Variants in ZNF428 observed in about 807,000 individuals in gnomAD.
The protein encoded by ZNF428 is enzyme-like protein PIT13.
Under a neutral mutation model 15.6 loss-of-function variants are expected in ZNF428, and 5 were observed. That is an observed-to-expected ratio of 0.32 (90% CI 0.17 to 0.67). The LOEUF is 0.67. Among genes scored for constraint, ZNF428 ranks in the 30% least tolerant of loss-of-function variants. The pLI is 0.73. For missense variants in ZNF428, 237 were observed against 256.0 expected (o/e 0.93, Z 0.51); for synonymous variants, 97 against 102.2 (o/e 0.95, Z 0.31).
intron 1 of ZNF428, among the ~76,000 whole-genome samples, chr19:43,615,030 G>A (rs1973358065): frequency 1.3e-5 from 2 of 152,178 alleles, no homozygotes; most frequent in African/African-American, 4.8e-5. Flanking sequence ...AGAACTGAGA[G>A]TGGAGCGGGA....
intron 2 of ZNF428, among the ~76,000 whole-genome samples, chr19:43,609,360 G>GAGAGAGAGAGAGAGAGAGAA (rs1555775017): frequency 1.5e-4 from 19 of 123,344 alleles, no homozygotes; most frequent in East Asian, 4.7e-4. Context: ...TGTGGCCATG[G>GAGAGAGAGAGAGAGAGAGAA]AGAGAGAGAG....
chr19:43,617,213 T>C (rs1973380387), intron 1 of ZNF428, among the ~76,000 whole-genome samples: 3 of 152,086 alleles, frequency 2.0e-5, no homozygotes, highest in South Asian at 4.1e-4. Context: ...AAGCCTTCTG[T>C]GACTTCTCTC....
Position 43,612,403 on chromosome 19 carries a change from G to A in ZNF428, c.76+1826C>T, listed in dbSNP as rs1236800151. The A allele has an allele frequency of 1.9e-6, 3 of 1,551,476 alleles. No homozygotes were observed. Among genetic ancestry groups the A allele is most frequent in the Non-Finnish European group, 2.6e-6 (3 of 1,146,986 alleles). On this transcript the variant is annotated intron_variant, in intron 2 of 2. Coordinates refer to ENST00000300811, the MANE Select transcript of ZNF428 (RefSeq NM_182498.4). This position sits in a 1 kb window ranked among gnomAD's most constrained non-coding sequence, Gnocchi z 4.2. ...GCAAAGCAAGAACACCCAGCAGGGT[G>A]AGCACCGACACCAGGACCAGCAAAG...
chr19:43,618,103 C>T (rs1447997877), intron 1 of ZNF428, among the ~76,000 whole-genome samples: 2 of 135,984 alleles, frequency 1.5e-5, no homozygotes, highest in Non-Finnish European at 3.1e-5. Flanking sequence ...GGCACGATCT[C>T]GGCTCACTGC....
At position 43,607,844 on chromosome 19, in the gene ZNF428, A is replaced by C. The variant is rs757074979; in HGVS notation, c.340T>G (p.Cys114Gly). Residue 114 changes from cysteine (C) to glycine (G), a missense_variant, in exon 3 of 3, where the codon TGC becomes GGC. Coordinates refer to ENST00000300811, the MANE Select transcript of ZNF428 (RefSeq NM_182498.4). This position sits in a 1 kb window ranked among gnomAD's most constrained non-coding sequence, Gnocchi z 5.1. ...TCCTGGGGGGCTGTAGCAGGGCAGC[A>C]GAGCCGGCAGGGTGGGGTTCCCGGT... ...APPGTPPCRL[C>G]CPATAPQEAP... The C allele has an allele frequency of 6.4e-7, 1 of 1,558,078 alleles. No individual in the cohort carries two copies. The highest frequency in any genetic ancestry group is 8.7e-7 in the Non-Finnish European group (1 of 1,150,714).
At chr19:43,613,973 A>G (rs779775813) in intron 2 of ZNF428, 2 of 1,551,758 alleles carry the variant, frequency 1.3e-6, no homozygotes, top group South Asian at 2.4e-5. Context: ...GAAAGCTCAT[A>G]GCCGATCTAG....
intron 1 of ZNF428, among the ~76,000 whole-genome samples, chr19:43,617,867 A>T (rs1344111364): frequency 6.6e-6 from 1 of 151,514 alleles, no homozygotes; most frequent in Non-Finnish European, 1.5e-5. Flanking sequence ...TTATTTATTT[A>T]ATTTTCTTTT....
chr19:43,613,941 G>C, intron 2 of ZNF428: 1 of 1,551,460 alleles, frequency 6.4e-7, no homozygotes. Context: ...GGTTACAGTC[G>C]ACCTAGAGCC....
Position 43,612,516 on chromosome 19 carries a change from C to T in ZNF428, c.76+1713G>A. 6.4e-7 allele frequency: 1 copy of T among 1,551,382 alleles called. No individual in the cohort carries two copies. The highest frequency in any genetic ancestry group is 8.7e-7 in the Non-Finnish European group (1 of 1,146,956). ...CCTGGCAGAAGGGGAAGCCGCAGCT[C>T]CAAGAGGTCACCCAGCAGGGCCAGC... is the stretch of plus-strand genomic sequence containing the variant. On this transcript the variant is annotated intron_variant, in intron 2 of 2. Transcript: ENST00000300811. The surrounding 1 kb of genome is among the most constrained non-coding windows in gnomAD (Gnocchi z 4.2).
chr19:43,615,466 G>A (rs901898177), intron 1 of ZNF428, among the ~76,000 whole-genome samples: 5 of 151,800 alleles, frequency 3.3e-5, no homozygotes, highest in East Asian at 1.9e-4. Flanking sequence ...TTGGGAGGCC[G>A]AGGTGGGCAG....
chr19:43,613,637 G>A (rs1037957980), intron 2 of ZNF428: 6 of 1,548,644 alleles, frequency 3.9e-6, no homozygotes, highest in East Asian at 4.9e-5. Context: ...CCCCAGCAAG[G>A]AGAGACAGTG....
At position 43,607,322 on chromosome 19, in the gene ZNF428, T is replaced by C; in HGVS notation, c.*295A>G. 2.6e-6 allele frequency: 1 copy of C among 380,984 alleles called. No individual in the cohort carries two copies. The highest frequency in any genetic ancestry group is 4.7e-6 in the Non-Finnish European group (1 of 213,588). The allele number at this position is 380,984 out of a possible 1,614,324, so 23.6% of individuals were successfully genotyped here. On this transcript the variant is annotated 3_prime_UTR_variant, in exon 3 of 3. Coordinates refer to ENST00000300811, the MANE Select transcript of ZNF428 (RefSeq NM_182498.4). This position sits in a 1 kb window ranked among gnomAD's most constrained non-coding sequence, Gnocchi z 5.1. ...TCGAATACAAGCACGCAGTAAATGT[T>C]ATCTTTCCCAAAAGACCCCAAGGTT... is the stretch of plus-strand genomic sequence containing the variant.
chr19:43,617,732 GTGTCTCACTATGTTGCGAAGGCTGC>G (rs1245506908), intron 1 of ZNF428, among the ~76,000 whole-genome samples: 1 of 152,202 alleles, frequency 6.6e-6, no homozygotes, highest in Non-Finnish European at 1.5e-5. Context: ...TGCGGAGATG[GTGTCTCACTATGTTGCGAAGGCTGC>G]TGTCAAATTC....
chr19:43,613,547 T>C, intron 2 of ZNF428: 2 of 1,551,454 alleles, frequency 1.3e-6, no homozygotes, highest in Non-Finnish European at 8.7e-7. Context: ...TCGCAGCCGA[T>C]CTAGAAGCCC....
chr19:43,617,694 ATTTT>A (rs939704493), intron 1 of ZNF428, among the ~76,000 whole-genome samples: 10 of 152,138 alleles, frequency 6.6e-5, no homozygotes, highest in African/African-American at 2.4e-4. Flanking sequence ...CATCCAATTA[ATTTT>A]TTTGTTTGTT....
rs1233563822 is a variant in ZNF428 at position 43,612,734 on chromosome 19, GGGA to G, written c.76+1492_76+1494del. 1 of 1,551,572 alleles carries G rather than the reference GGGA, an allele frequency of 6.4e-7. No homozygotes were observed. Among genetic ancestry groups the G allele is most frequent in the East Asian group, 2.4e-5 (1 of 40,928 alleles). On this transcript the variant is annotated intron_variant, in intron 2 of 2. Coordinates refer to ENST00000300811, the MANE Select transcript of ZNF428 (RefSeq NM_182498.4). This position sits in a 1 kb window ranked among gnomAD's most constrained non-coding sequence, Gnocchi z 4.2. Reference sequence around the variant, plus strand: ...CCGCCCACCAGGAGGCTCAGGTATAGGGAGGAGTTCCGAGCTGGCTGTAACTCC... The same window carrying G: ...CCGCCCACCAGGAGGCTCAGGTATAGGGAGTTCCGAGCTGGCTGTAACTCC...
chr19:43,607,732 T>C lies in ZNF428; in HGVS notation c.452A>G (p.Glu151Gly). 6.2e-7 allele frequency: 1 copy of C among 1,613,242 alleles called. No individual in the cohort carries two copies. The highest frequency in any genetic ancestry group is 8.5e-7 in the Non-Finnish European group (1 of 1,179,564). Residue 151 changes from glutamate (E) to glycine (G), a missense_variant, in exon 3 of 3, where the codon GAG becomes GGG. Physicochemically the swap from Glu to Gly is moderately conservative, Grantham distance 98. Transcript: ENST00000300811. The surrounding 1 kb of genome is among the most constrained non-coding windows in gnomAD (Gnocchi z 5.1). Reference protein sequence around the residue: ...AGEGRPAGREEEEEEEEEGTY... With the variant: ...AGEGRPAGREGEEEEEEEGTY... ...TCCCTCCTCCTCCTCTTCCTCCTCC[T>C]CCTCCCGCCCAGCTGGTCGGCCCTC...
At chr19:43,613,296 C>G (rs1275602708) in intron 2 of ZNF428, 12 of 1,551,388 alleles carry the variant, frequency 7.7e-6, no homozygotes, top group African/African-American at 1.4e-5. Context: ...CGCAGTCAAT[C>G]AGGAAGCCCC....
chr19:43,611,610 G>A (rs558845777), intron 2 of ZNF428, among the ~76,000 whole-genome samples: 97 of 152,238 alleles, frequency 6.4e-4, no homozygotes, highest in African/African-American at 2.1e-3. Context: ...GTGAGCCACC[G>A]CGCCCAGCCT....
Sources: allele counts gnomAD v4.1 joint callset (sites outside exome capture counted in the v4.1 genomes callset), GRCh38; gene constraint gnomAD v4.1.1; non-coding constraint Gnocchi (gnomAD v3.1); transcripts MANE v1.5; gene names NCBI Gene and HGNC (gene_info 2026-07-23, HGNC 2026-07-21).